Variants in MYOM1 observed in about 807,000 individuals in gnomAD.
MYOM1 encodes the protein myomesin-1.
MYOM1 carries 164 observed loss-of-function variants against 205.3 expected under a neutral mutation model. The observed-to-expected ratio is 0.80, with a 90% CI of 0.70 to 0.91. MYOM1 has a LOEUF of 0.91. Among genes scored for constraint, MYOM1 ranks in the 40% least tolerant of loss-of-function variants. The pLI is 0.00. For missense variants in MYOM1, 2,011 were observed against 2,127.3 expected, an observed-to-expected ratio of 0.95 and a Z score of 1.08; for synonymous variants, 772 against 789.4, an observed-to-expected ratio of 0.98 and a Z score of 0.37.
intron 6 of MYOM1, among the ~76,000 whole-genome samples, chr18:3,175,821 G>A (rs1202753002): frequency 6.6e-6 from 1 of 151,988 alleles, no homozygotes; most frequent in Admixed American, 6.6e-5. Context: ...ATCTTTGACC[G>A]AATCCAAATA....
rs968079688 is a variant in MYOM1 at position 3,116,390 on chromosome 18, C to T, written c.3244G>A (p.Ala1082Thr). The T allele has an allele frequency of 5.6e-6, 9 of 1,613,352 alleles. No individual in the cohort carries two copies. The African/African-American group carries it at 9.3e-5, about 17-fold the overall frequency. ...GYFVDLKEAK[A>T]KEDQWRGLNE... Reference sequence around the variant, plus strand: ...AGCCCTCGCCACTGGTCTTCTTTGGCCTTGGCCTCCTTCAAGTCCACGAAG... The same window carrying T: ...AGCCCTCGCCACTGGTCTTCTTTGGTCTTGGCCTCCTTCAAGTCCACGAAG... Residue 1082 changes from alanine (A) to threonine (T), a missense_variant, in exon 21 of 38, where the codon GCC becomes ACC. Ala to Thr is a moderately conservative substitution (Grantham distance 58). Transcript: ENST00000356443.
At chr18:3,099,140 A>G (rs1004490245) in intron 25 of MYOM1, among the ~76,000 whole-genome samples, 5 of 152,180 alleles carry the variant, frequency 3.3e-5, no homozygotes, top group African/African-American at 9.7e-5. Context: ...TGAGAACATT[A>G]CAGCTGAGGC....
Position 3,135,579 on chromosome 18 carries a change from G to A in MYOM1, c.2177C>T (p.Ala726Val), listed in dbSNP as rs376352841. 1 of 1,613,680 alleles carries A rather than the reference G, an allele frequency of 6.2e-7. No individual in the cohort carries two copies. Among genetic ancestry groups the A allele is most frequent in the East Asian group, 2.2e-5 (1 of 44,862 alleles). ...NSAGVGEPSE[A>V]TEVTVVGDKL... ...GTCCCCTACCACAGTCACCTCCGTT[G>A]CCTCTGAGGGCTCACCAACTCCTGC... Residue 726 changes from alanine (A) to valine (V), a missense_variant, in exon 15 of 38, where the codon GCA (alanine) becomes GTA (valine). Transcript: ENST00000356443. The surrounding 1 kb of genome is among the most constrained non-coding windows in gnomAD (Gnocchi z 4.1).
At chr18:3,067,822 C>T (rs548599938) in intron 37 of MYOM1, among the ~76,000 whole-genome samples, 10 of 152,248 alleles carry the variant, frequency 6.6e-5, no homozygotes, top group Admixed American at 2.0e-4. Context: ...CAAAAACACA[C>T]GAAAGAGTTT....
At chr18:3,149,743 C>A (rs775177103) in intron 12 of MYOM1, among the ~76,000 whole-genome samples, 1 of 152,034 alleles carries the variant, frequency 6.6e-6, no homozygotes, top group African/African-American at 2.4e-5. Flanking sequence ...ATGAATGATA[C>A]GGGTACAAAG....
rs562853689 is a variant in MYOM1, at chr18:3,116,553, A to T, written c.3119-38T>A. 6.0e-5 allele frequency: 90 copies of T among 1,488,082 alleles called. 4 individuals are homozygous for T. The South Asian group carries it at 1.3e-3, about 21-fold the overall frequency. 92.2% of individuals were successfully genotyped at this position (1,488,082 alleles called of 1,614,324 possible). A position where few individuals can be genotyped will look rare whatever the true frequency, so the allele number is the denominator to read the frequency against. On this transcript the variant is annotated intron_variant, in intron 20 of 37. Transcript: ENST00000356443. ...GAAGCCAATGAGTAGAAATCATAAC[A>T]GAGAAAACTCGTCTCCACACGTTTA... is the stretch of plus-strand genomic sequence containing the variant.
chr18:3,067,514 C>T lies in MYOM1; in HGVS notation c.4806G>A (p.Pro1602=), dbSNP rs376121702. The change falls in exon 38 of 38, where the codon CCG becomes CCA. Residue 1602 remains proline (P), a synonymous_variant. Transcript: ENST00000356443. Reference sequence around the variant, plus strand: ...TCTCGTTCTTCAACCACGACACCTCCGGAGGCGGGTCTCCCCACACGTTGC... The same window carrying T: ...TCTCGTTCTTCAACCACGACACCTCTGGAGGCGGGTCTCCCCACACGTTGC... The part of the protein sequence containing the change: ...LTCNVWGDPP[P]EVSWLKNEKA... 54 of 1,613,674 alleles carry T rather than the reference C, an allele frequency of 3.3e-5. No individual in the cohort carries two copies. Among genetic ancestry groups the T allele is most frequent in the Middle Eastern group, 3.4e-4 (2 of 5,942 alleles).
At chr18:3,155,162 C>T (rs1038231636) in intron 10 of MYOM1, 74 bp from the exon 11 acceptor site, 26 of 1,407,058 alleles carry the variant, frequency 1.8e-5, no homozygotes, top group Admixed American at 2.5e-5. Context: ...TCAGCGCACA[C>T]GCTTCTTACC....
chr18:3,188,528 C>T (rs1259947520), intron 4 of MYOM1, among the ~76,000 whole-genome samples: 1 of 151,792 alleles, frequency 6.6e-6, no homozygotes, highest in Non-Finnish European at 1.5e-5. Context: ...ACTTGGGAGG[C>T]TGAGGCAGAA....
chr18:3,167,550 AT>A (rs899987359), intron 9 of MYOM1, among the ~76,000 whole-genome samples: 65 of 152,078 alleles, frequency 4.3e-4, no homozygotes, highest in African/African-American at 1.5e-3. Context: ...CGCCCGGCTA[AT>A]TTTTGTATTT....
At chr18:3,205,256 G>C (rs1275958787) in intron 2 of MYOM1, among the ~76,000 whole-genome samples, 1 of 151,892 alleles carries the variant, frequency 6.6e-6, no homozygotes, top group Admixed American at 6.6e-5. Flanking sequence ...TTCTGGTTTT[G>C]GAAAGACACT....
chr18:3,200,782 A>G (rs1276974809), intron 2 of MYOM1, among the ~76,000 whole-genome samples: 4 of 152,186 alleles, frequency 2.6e-5, no homozygotes, highest in Non-Finnish European at 5.9e-5. Flanking sequence ...CAGTGCCAGA[A>G]AGGGAAGAGA....
At chr18:3,130,614 G>A (rs1249865951) in intron 17 of MYOM1, among the ~76,000 whole-genome samples, 3 of 151,906 alleles carry the variant, frequency 2.0e-5, no homozygotes, top group African/African-American at 7.3e-5. Flanking sequence ...ACCATGCCTG[G>A]CTAATTTTTT....
chr18:3,162,043 A>C (rs1258376347), intron 10 of MYOM1, among the ~76,000 whole-genome samples: 1 of 152,204 alleles, frequency 6.6e-6, no homozygotes, highest in Non-Finnish European at 1.5e-5. Context: ...CCAGTTGAGT[A>C]CTCAAAATGT....
At chr18:3,190,545 T>C (rs1409650660) in intron 3 of MYOM1, 1 of 152,196 alleles carries the variant, frequency 6.6e-6, no homozygotes, top group Admixed American at 6.5e-5. Context: ...TTTTTCTCTC[T>C]CCGTAAATAT....
rs1202993198 is a variant in MYOM1, at chr18:3,214,958, G to C, written c.266C>G (p.Ala89Gly). 3.1e-6 allele frequency: 5 copies of C among 1,606,978 alleles called. No homozygotes were observed. In the South Asian group the frequency reaches 5.5e-5, roughly 18 times the overall value. Residue 89 changes from alanine to glycine, a missense_variant, in exon 2 of 38, where the codon GCC becomes GGC. Ala to Gly is a moderately conservative substitution (Grantham distance 60, BLOSUM62 0). Transcript: ENST00000356443. ...CCCATGGGAGGAGCCATAATCGTAG[G>C]CTGAGGCTGCCTTCCGACTGACTTC... ...SSEVSRKAAS[A>G]YDYGSSHGLT...
Position 3,135,116 on chromosome 18 carries a change from A to G in MYOM1, c.2210-292T>C. The G allele has an allele frequency of 2.8e-6, 1 of 355,958 alleles. No homozygotes were observed. Among genetic ancestry groups the G allele is most frequent in the Non-Finnish European group, 5.3e-6 (1 of 189,136 alleles). The allele number at this position is 355,958 out of a possible 1,614,324, so 22.0% of individuals were successfully genotyped here. On this transcript the variant is annotated intron_variant, in intron 15 of 37. Transcript: ENST00000356443. This position sits in a 1 kb window ranked among gnomAD's most constrained non-coding sequence, Gnocchi z 4.1. Reference sequence around the variant, plus strand: ...AGGCATGTGCCACAACGCCTGGCTAATTTTTGTGTTTTCAGTAGAGATGGG... The same window carrying G: ...AGGCATGTGCCACAACGCCTGGCTAGTTTTTGTGTTTTCAGTAGAGATGGG...
At position 3,067,208 on chromosome 18, in the gene MYOM1, C is replaced by A. The variant is rs565159749; in HGVS notation, c.*54G>T. On this transcript the variant is annotated 3_prime_UTR_variant, in exon 38 of 38. Coordinates refer to ENST00000356443, the MANE Select transcript of MYOM1 (RefSeq NM_003803.4). Reference sequence around the variant, plus strand: ...GCATGAAGACGTCTCATCCTTAACCCAAACCATTCACACCCAAGTCACACA... The same window carrying A: ...GCATGAAGACGTCTCATCCTTAACCAAAACCATTCACACCCAAGTCACACA... The A allele has an allele frequency of 2.0e-6, 3 of 1,524,548 alleles. No individual in the cohort carries two copies. In the Admixed American group the frequency reaches 6.0e-5, roughly 30 times the overall value. 94.4% of individuals were successfully genotyped at this position (1,524,548 alleles called of 1,614,324 possible).
In MYOM1 at chr18:3,168,976, C is replaced by A. The variant is rs1244825867; in HGVS notation, c.1180G>T (p.Val394Leu). ...GASTMPLSFG[V>L]TPYGYASRFE... The stretch of plus-strand genomic sequence containing the variant: ...CGGGATGCATAACCATATGGGGTCA[C>A]ACCAACTGGGTACAAAAATAACAAA... The change falls in exon 9 of 38, where the codon GTG (valine) becomes TTG (leucine). Residue 394 changes from valine (V) to leucine (L), a missense_variant. Coordinates refer to ENST00000356443, the MANE Select transcript of MYOM1 (RefSeq NM_003803.4). 1 of 1,609,600 alleles carries A rather than the reference C, an allele frequency of 6.2e-7. No individual in the cohort carries two copies. The highest frequency in any genetic ancestry group is 8.5e-7 in the Non-Finnish European group (1 of 1,178,244).
Sources: gnomAD v4.1 joint callset for allele counts (sites outside exome capture counted in the v4.1 genomes callset) on GRCh38, gnomAD v4.1.1 for gene constraint, Gnocchi (gnomAD v3.1) non-coding constraint, MANE v1.5 for transcripts, NCBI Gene and HGNC (gene_info 2026-07-23, HGNC 2026-07-21) for gene names.